FMN2: variants seen among roughly 807,000 people sequenced by gnomAD.
FMN2 encodes formin-2.
FMN2 carries 51 observed loss-of-function variants against 142.3 expected under a neutral mutation model. The observed-to-expected ratio is 0.36, with a 90% CI of 0.29 to 0.45. The LOEUF is 0.45. Ranked by LOEUF, FMN2 falls within the 20% of genes least tolerant of loss-of-function variation. The probability of loss-of-function intolerance (pLI) is 1.00; values close to 1 mark genes in which losing one functional copy is unlikely to be tolerated. For synonymous variants in FMN2, 882 were observed against 869.8 expected, an observed-to-expected ratio of 1.01 and a Z score of -0.25; for missense variants, 1,936 against 2,122.8, an observed-to-expected ratio of 0.91 and a Z score of 1.73.
chr1:240,431,877 GT>G (rs757768209), intron 15 of FMN2, among the ~76,000 whole-genome samples: 47 of 141,844 alleles, frequency 3.3e-4, no homozygotes, highest in African/African-American at 4.3e-4. Flanking sequence ...TTTTATTAAG[GT>G]TTTTTTTTTT....
At chr1:240,352,729 C>T (rs1672136075) in intron 13 of FMN2, among the ~76,000 whole-genome samples, 1 of 152,196 alleles carries the variant, frequency 6.6e-6, no homozygotes, top group Non-Finnish European at 1.5e-5. Context: ...TCCATATATT[C>T]AGTATCCTTA....
chr1:240,184,842 A>G (rs1665333761), intron 3 of FMN2, among the ~76,000 whole-genome samples: 2 of 151,860 alleles, frequency 1.3e-5, no homozygotes, highest in African/African-American at 4.8e-5. Flanking sequence ...TCACCTATCT[A>G]GTGACTCCAC....
chr1:240,189,640 T>C (rs1247389146), intron 4 of FMN2, among the ~76,000 whole-genome samples: 2 of 152,224 alleles, frequency 1.3e-5, no homozygotes, highest in African/African-American at 4.8e-5. Context: ...TTAGCTATCC[T>C]TAAGGACAGT....
chr1:240,467,333 G>A (rs1300641404), intron 16 of FMN2, among the ~76,000 whole-genome samples: 1 of 150,904 alleles, frequency 6.6e-6, no homozygotes, highest in Non-Finnish European at 1.5e-5. Flanking sequence ...GGAGTGCAAT[G>A]GCATGATCTC....
intron 14 of FMN2, among the ~76,000 whole-genome samples, chr1:240,366,976 G>A (rs1430336214): frequency 2.0e-5 from 3 of 152,186 alleles, no homozygotes; most frequent in Non-Finnish European, 4.4e-5. Flanking sequence ...TGTGGGACAA[G>A]TGAATCTTCT....
At chr1:240,453,683 T>G (rs905170185) in intron 16 of FMN2, among the ~76,000 whole-genome samples, 1 of 152,092 alleles carries the variant, frequency 6.6e-6, no homozygotes, top group Admixed American at 6.6e-5. Flanking sequence ...GGAAGAATAA[T>G]GGTGCTTAAA....
intron 1 of FMN2, among the ~76,000 whole-genome samples, chr1:240,122,265 A>G (rs1324876685): frequency 6.7e-6 from 1 of 149,906 alleles, no homozygotes; most frequent in East Asian, 2.0e-4. Flanking sequence ...TTATTTATTT[A>G]TTTATTTATT....
At chr1:240,144,195 C>CCAT in intron 2 of FMN2, 1 of 1,498,596 alleles carries the variant, frequency 6.7e-7, no homozygotes, top group East Asian at 2.3e-5. Flanking sequence ...CCATTTGTTG[C>CCAT]CATCATCGTT....
intron 8 of FMN2, among the ~76,000 whole-genome samples, chr1:240,319,886 G>A (rs765839906): frequency 2.1e-4 from 32 of 152,088 alleles, no homozygotes; most frequent in Admixed American, 3.9e-4. Flanking sequence ...CCCCTCCCCC[G>A]CAAATGAAAC....
At chr1:240,117,109 C>T (rs186977936) in intron 1 of FMN2, among the ~76,000 whole-genome samples, 2 of 152,248 alleles carry the variant, frequency 1.3e-5, no homozygotes, top group Admixed American at 6.5e-5. Flanking sequence ...CAGCTCAGAA[C>T]ACAAGGGAAA....
chr1:240,293,769 T>G (rs1669870612), intron 7 of FMN2, among the ~76,000 whole-genome samples: 1 of 152,172 alleles, frequency 6.6e-6, no homozygotes, highest in Non-Finnish European at 1.5e-5. Flanking sequence ...CAATATTTTT[T>G]GGTGAATCTG....
chr1:240,224,768 A>C (rs1309767114), intron 6 of FMN2, among the ~76,000 whole-genome samples: 1 of 152,158 alleles, frequency 6.6e-6, no homozygotes, highest in African/African-American at 2.4e-5. Flanking sequence ...GCTGCAGCCA[A>C]GGAGATGGGA....
intron 1 of FMN2, among the ~76,000 whole-genome samples, chr1:240,098,140 C>T (rs1312120958): frequency 2.5e-5 from 3 of 122,284 alleles, no homozygotes; most frequent in African/African-American, 3.5e-5. Context: ...TCACTCTTGT[C>T]GCCAAGGCTG....
intron 15 of FMN2, among the ~76,000 whole-genome samples, chr1:240,396,293 C>T (rs1423040722): frequency 1.4e-5 from 2 of 146,880 alleles, no homozygotes; most frequent in African/African-American, 5.2e-5. Context: ...CACAATATCT[C>T]CGAGGTTTTC....
intron 7 of FMN2, among the ~76,000 whole-genome samples, chr1:240,265,253 A>G (rs566480414): frequency 6.6e-6 from 1 of 152,270 alleles, no homozygotes; most frequent in South Asian, 2.1e-4. Context: ...TGACTATGAA[A>G]TTTTTTCACA....
chr1:240,295,906 C>T (rs572893081), intron 8 of FMN2, among the ~76,000 whole-genome samples: 4 of 152,274 alleles, frequency 2.6e-5, no homozygotes, highest in African/African-American at 9.6e-5. Flanking sequence ...CCCTTTTCTT[C>T]GCATCTTCAC....
At chr1:240,442,264 C>T (rs965134671) in intron 16 of FMN2, among the ~76,000 whole-genome samples, 4 of 152,184 alleles carry the variant, frequency 2.6e-5, no homozygotes, top group Admixed American at 1.3e-4. Flanking sequence ...ATTCTCATAA[C>T]CCAGGAGGAC....
intron 15 of FMN2, among the ~76,000 whole-genome samples, chr1:240,416,332 C>T (rs986247597): frequency 1.4e-5 from 2 of 147,668 alleles, no homozygotes; most frequent in African/African-American, 5.0e-5. Flanking sequence ...GCAATCTTAG[C>T]TCACTGCAAC....
Position 240,368,955 on chromosome 1 carries a change from T to TTATATATATATATATATATATATA in FMN2, c.4858+13065_4858+13066insTATATATATATATATATATATATA, listed in dbSNP as rs10671772. Among the ~76,000 whole-genome samples, 413 of 147,920 alleles carry TTATATATATATATATATATATATA rather than the reference T, an allele frequency of 2.8e-3. 1 individual carries two copies. The highest frequency in any genetic ancestry group is 9.7e-3 in the African/African-American group (386 of 39,590). On this transcript the variant is annotated intron_variant, in intron 14 of 17. Coordinates refer to ENST00000319653, the MANE Select transcript of FMN2 (RefSeq NM_020066.5). ...ATATTTAAAGTGTACAACACAATGT[T>TTATATATATATATATATATATATA]TATATATATATATATATAAACACAG...
Sources: gnomAD v4.1 joint callset for allele counts (sites outside exome capture counted in the v4.1 genomes callset) on GRCh38, gnomAD v4.1.1 for gene constraint, MANE v1.5 for transcripts, NCBI Gene and HGNC (gene_info 2026-07-23, HGNC 2026-07-21) for gene names.